Variants in PKD2L1 observed in about 807,000 individuals in gnomAD.
PKD2L1 encodes polycystin-2-like protein 1.
Under a neutral mutation model 93.0 loss-of-function variants are expected in PKD2L1, and 77 were observed. The ratio of observed to expected loss-of-function variants is 0.83; its 90% confidence interval spans 0.69 to 1.00. The LOEUF (loss-of-function observed/expected upper bound fraction) is 1.00, where lower values mean the gene tolerates loss of function less well. Among genes scored for constraint, PKD2L1 ranks in the 50% least tolerant of loss-of-function variants. The pLI is 0.00. For synonymous variants in PKD2L1, 390 were observed against 388.0 expected (o/e 1.01, Z -0.06); for missense variants, 977 against 990.9 (o/e 0.99, Z 0.19).
intron 9 of PKD2L1, among the ~76,000 whole-genome samples, chr10:100,293,787 A>G (rs1484857512): frequency 6.6e-6 from 1 of 152,192 alleles, no homozygotes; most frequent in South Asian, 2.1e-4. Flanking sequence ...GATCAAATAA[A>G]GAAAATTGCT....
chr10:100,328,591 CT>C lies in PKD2L1; in HGVS notation c.349+619del, dbSNP rs10685467. ...AAACAGAAGGGAGTGGTTTTCCACT[CT>C]TTTTTTTTTTTGGAGACAGAGAGAC... On this transcript the variant is annotated intron_variant, in intron 2 of 15. Transcript: ENST00000318222. 2.3e-3 allele frequency among the ~76,000 whole-genome samples: 339 copies of C among 147,212 alleles called. 2 individuals are homozygous for C. Among genetic ancestry groups the C allele is most frequent in the African/African-American group, 8.0e-3 (320 of 40,042 alleles).
At chr10:100,289,945 C>G (rs1412759399) in intron 14 of PKD2L1, 70 bp downstream of exon 14, 3 of 1,571,732 alleles carry the variant, frequency 1.9e-6, no homozygotes, top group Non-Finnish European at 2.6e-6. Context: ...TCTTGCCCCA[C>G]CCACTGAGTG....
chr10:100,297,552 G>A lies in PKD2L1; in HGVS notation c.786C>T (p.Leu262=). 6.2e-7 allele frequency: 1 copy of A among 1,614,100 alleles called. No homozygotes were observed. The highest frequency in any genetic ancestry group is 8.5e-7 in the Non-Finnish European group (1 of 1,180,020). Residue 262 remains leucine, a synonymous_variant, in exon 5 of 16, where the codon CTC becomes CTT. Coordinates refer to ENST00000318222, the MANE Select transcript of PKD2L1 (RefSeq NM_016112.3). The stretch of plus-strand genomic sequence containing the variant: ...AGTAGCCACCTCCGCTGTAGCTTGT[G>A]AGCCTGCCCCAGTGGGAGAAGCCCC... ...ELGGFSHWGR[L]TSYSGGGYYL...
At chr10:100,324,983 T>G (rs968039097) in intron 2 of PKD2L1, among the ~76,000 whole-genome samples, 5 of 152,192 alleles carry the variant, frequency 3.3e-5, no homozygotes, top group African/African-American at 1.2e-4. Context: ...GCTTTCAGGC[T>G]TATAACGTGT....
intron 2 of PKD2L1, among the ~76,000 whole-genome samples, chr10:100,300,114 C>T (rs576899414): frequency 6.6e-6 from 1 of 152,170 alleles, no homozygotes; most frequent in African/African-American, 2.4e-5. Context: ...GGTAGTGATG[C>T]CTTTTGGAAA....
At chr10:100,308,727 C>T (rs1001636415) in intron 2 of PKD2L1, among the ~76,000 whole-genome samples, 7 of 152,248 alleles carry the variant, frequency 4.6e-5, no homozygotes, top group African/African-American at 9.6e-5. Context: ...CTCCAAAAGC[C>T]GTGATTTAAC....
chr10:100,301,009 GA>G (rs1339283822), intron 2 of PKD2L1, among the ~76,000 whole-genome samples: 1 of 152,166 alleles, frequency 6.6e-6, no homozygotes, highest in Admixed American at 6.5e-5. Context: ...TAAAGGGAAA[GA>G]GTACAAAAGA....
rs1589679915 is a variant in PKD2L1, at chr10:100,318,537, T to A, written c.349+10674A>T. Among the ~76,000 whole-genome samples the A allele has an allele frequency of 1.1e-4, 16 of 151,554 alleles. 2 individuals are homozygous for A. In the South Asian group the frequency reaches 3.3e-3, roughly 32 times the overall value. Reference sequence around the variant, plus strand: ...TTTTCTTTTCTTTTTTTTTTTTTTTTAGGCAGAATCTTGCTCTGTCACCCA... The same window carrying A: ...TTTTCTTTTCTTTTTTTTTTTTTTTAAGGCAGAATCTTGCTCTGTCACCCA... On this transcript the variant is annotated intron_variant, in intron 2 of 15. Coordinates refer to ENST00000318222, the MANE Select transcript of PKD2L1 (RefSeq NM_016112.3).
In PKD2L1 at chr10:100,289,977, T is replaced by A. The variant is rs370505972; in HGVS notation, c.2250+38A>T. The A allele has an allele frequency of 5.0e-6, 8 of 1,612,712 alleles. No homozygotes were observed. The African/African-American group carries it at 1.1e-4, about 22-fold the overall frequency. On this transcript the variant is annotated intron_variant, in intron 14 of 15. Transcript: ENST00000318222. ...AGTGGAAAAGATGGCAGAGTTCAGC[T>A]GTGAGGAACTAGGAGGACCAGGTGA...
chr10:100,294,638 A>T lies in PKD2L1; in HGVS notation c.1556T>A (p.Ile519Lys). The change falls in exon 9 of 16, where the codon ATA becomes AAA. Residue 519 changes from isoleucine to lysine, a missense_variant. Ile to Lys is a moderately radical substitution (Grantham distance 102). Transcript: ENST00000318222. Reference sequence around the variant, plus strand: ...ATTGTAGTCAAAGTCCCCGAGGATTATCCGGAACTGAGTGAAACTGAGAGA... The same window carrying T: ...ATTGTAGTCAAAGTCCCCGAGGATTTTCCGGAACTGAGTGAAACTGAGAGA... Reference protein sequence around the residue: ...FIKCIFTQFRIILGDFDYNAI... With the variant: ...FIKCIFTQFRKILGDFDYNAI... 3 of 1,614,122 alleles carry T rather than the reference A, an allele frequency of 1.9e-6. No individual in the cohort carries two copies. The highest frequency in any genetic ancestry group is 2.5e-6 in the Non-Finnish European group (3 of 1,180,002).
chr10:100,290,210 G>T (rs1289056805), intron 13 of PKD2L1, 72 bp from the exon 14 acceptor site: 4 of 1,579,094 alleles, frequency 2.5e-6, no homozygotes, highest in Non-Finnish European at 2.6e-6. Context: ...AAGAGCCAGG[G>T]TTCACAGAAG....
At chr10:100,319,037 G>A (rs1366455037) in intron 2 of PKD2L1, among the ~76,000 whole-genome samples, 1 of 151,678 alleles carries the variant, frequency 6.6e-6, no homozygotes, top group Non-Finnish European at 1.5e-5. Flanking sequence ...GTAGAGATGG[G>A]GTTTCACCAT....
At chr10:100,321,904 C>CAAGCAAGCAAGGAAGGAAGGAAGG (rs1273641302) in intron 2 of PKD2L1, among the ~76,000 whole-genome samples, 2 of 9,480 alleles carry the variant, frequency 2.1e-4, no homozygotes, top group East Asian at 5.8e-3. Context: ...GGGAAGGAAG[C>CAAGCAAGCAAGGAAGGAAGGAAGG]AAGGAAGGAA....
At position 100,297,108 on chromosome 10, in the gene PKD2L1, C is replaced by T. The variant is rs139422871; in HGVS notation, c.1057G>A (p.Val353Ile). The T allele has an allele frequency of 2.2e-5, 35 of 1,614,118 alleles. No individual in the cohort carries two copies. The highest frequency in any genetic ancestry group is 9.3e-5 in the African/African-American group (7 of 75,024). ...ACGCAGAAGATGACCTCACAGCCAA[C>T]GATAAAGAAGTCCCAGTTGCTGACA... is the stretch of plus-strand genomic sequence containing the variant. ...RYVSNWDFFI[V>I]GCEVIFCVFI... Residue 353 changes from valine to isoleucine, a missense_variant, in exon 6 of 16, where the codon GTT becomes ATT. By Grantham distance (29) the Val-to-Ile change is conservative (BLOSUM62 3). Transcript: ENST00000318222.
chr10:100,290,401 A>T lies in PKD2L1; in HGVS notation c.2126T>A (p.Met709Lys). The change falls in exon 13 of 16, where the codon ATG becomes AAG. Residue 709 changes from methionine to lysine, a missense_variant and splice_region_variant. Coordinates refer to ENST00000318222, the MANE Select transcript of PKD2L1 (RefSeq NM_016112.3). ...GGWVSGEEFY[M>K]LTRRVLQLET... The stretch of plus-strand genomic sequence containing the variant: ...ACCAGCCTTTCTTGGCTGCACGTAC[A>T]TGTAGAATTCTTCTCCTGAAACCCA... The T allele has an allele frequency of 6.3e-7, 1 of 1,598,362 alleles. No individual in the cohort carries two copies. Among genetic ancestry groups the T allele is most frequent in the Non-Finnish European group, 8.6e-7 (1 of 1,166,754 alleles).
rs181610336 is a variant in PKD2L1 at position 100,317,173 on chromosome 10, A to G, written c.349+12038T>C. 3.3e-4 allele frequency among the ~76,000 whole-genome samples: 50 copies of G among 152,372 alleles called. No individual in the cohort carries two copies. The East Asian group carries it at 8.9e-3, about 27-fold the overall frequency. The stretch of plus-strand genomic sequence containing the variant: ...ACTCATTCATTTGAAAATAATGATA[A>G]CAATCCCTATACATGTAAACACAAA... On this transcript the variant is annotated intron_variant, in intron 2 of 15. Transcript: ENST00000318222.
chr10:100,289,176 T>C (rs1848348423), intron 14 of PKD2L1, 120 bp from the exon 15 acceptor site: 2 of 637,624 alleles, frequency 3.1e-6, no homozygotes, highest in Non-Finnish European at 5.4e-6. Context: ...CCCTCCCAAA[T>C]TCATCCGTTA....
chr10:100,301,746 C>T (rs1848682839), intron 2 of PKD2L1, among the ~76,000 whole-genome samples: 1 of 152,130 alleles, frequency 6.6e-6, no homozygotes, highest in South Asian at 2.1e-4. Context: ...CAACATACAT[C>T]CTCAGTTTAC....
intron 2 of PKD2L1, among the ~76,000 whole-genome samples, chr10:100,321,738 A>G (rs1474213371): frequency 2.3e-4 from 2 of 8,580 alleles, no homozygotes; most frequent in Admixed American, 1.0e-3. Context: ...AAAGAAAGAA[A>G]GAAAGAAAGA....
Sources: gnomAD v4.1 joint callset for allele counts (sites outside exome capture counted in the v4.1 genomes callset) on GRCh38, gnomAD v4.1.1 for gene constraint, MANE v1.5 for transcripts, NCBI Gene and HGNC (gene_info 2026-07-23, HGNC 2026-07-21) for gene names.